Variants in ADCY9 observed in about 807,000 individuals in gnomAD.
ADCY9 encodes adenylate cyclase 9.
Under a neutral mutation model 101.5 loss-of-function variants are expected in ADCY9, and 50 were observed. The ratio of observed to expected loss-of-function variants is 0.49; its 90% confidence interval spans 0.39 to 0.62. ADCY9 has a LOEUF of 0.62. Among genes scored for constraint, ADCY9 ranks in the 20% least tolerant of loss-of-function variants. ADCY9 has a pLI of 0.00. For missense variants in ADCY9, 1,662 were observed against 1,800.4 expected (o/e 0.92, Z 1.39); for synonymous variants, 905 against 769.3 (o/e 1.18, Z -2.92).
chr16:4,094,144 G>C (rs1337952640), intron 2 of ADCY9, among the ~76,000 whole-genome samples: 1 of 151,774 alleles, frequency 6.6e-6, no homozygotes, highest in Non-Finnish European at 1.5e-5. Context: ...ACTATGAAAT[G>C]TGTGTTAGAG....
intron 2 of ADCY9, among the ~76,000 whole-genome samples, chr16:4,069,012 T>C (rs2056817270): frequency 6.6e-6 from 1 of 152,136 alleles, no homozygotes; most frequent in African/African-American, 2.4e-5. Context: ...ACATACATTT[T>C]TGTACTTGTG....
rs139504822 is a variant in ADCY9, at chr16:3,965,811, G to T, written c.4026C>A (p.Asn1342Lys). Residue 1342 changes from asparagine (N) to lysine (K), a missense_variant, in exon 11 of 11, where the codon AAC becomes AAA. This residue lies in a region of ADCY9 where 168 missense variants were observed against 155.3 expected (regional missense o/e 1.08). Coordinates refer to ENST00000294016, the MANE Select transcript of ADCY9 (RefSeq NM_001116.4). ...TTGAAACGTTGAGCTTGGTGAGTTC[G>T]TTGGCTTCTTCTATTCCTGTTTCGT... ...DCDETGIEEA[N>K]ELTKLNVSKS... 2.5e-6 allele frequency: 4 copies of T among 1,613,746 alleles called. No individual in the cohort carries two copies. Among genetic ancestry groups the T allele is most frequent in the South Asian group, 2.2e-5 (2 of 91,058 alleles).
chr16:4,050,452 G>A (rs953418376), intron 2 of ADCY9, among the ~76,000 whole-genome samples: 1 of 152,050 alleles, frequency 6.6e-6, no homozygotes, highest in African/African-American at 2.4e-5. Context: ...GGTGGCTCAT[G>A]CCTGTAATCC....
At chr16:4,081,360 CCT>C (rs2056900594) in intron 2 of ADCY9, among the ~76,000 whole-genome samples, 1 of 152,236 alleles carries the variant, frequency 6.6e-6, no homozygotes, top group Non-Finnish European at 1.5e-5. Context: ...TCCATGGCTC[CCT>C]GACTCCAGAG....
chr16:4,073,325 G>A (rs949417728), intron 2 of ADCY9, among the ~76,000 whole-genome samples: 1 of 151,766 alleles, frequency 6.6e-6, no homozygotes. Context: ...GGCCTCAAGT[G>A]ATCAACTCTC....
At chr16:4,021,367 C>G (rs2056475538) in intron 2 of ADCY9, among the ~76,000 whole-genome samples, 1 of 152,208 alleles carries the variant, frequency 6.6e-6, no homozygotes, top group Admixed American at 6.5e-5. Context: ...GAAGCCTTAG[C>G]CTCAGGCAAA....
In ADCY9 at chr16:4,097,501, C is replaced by CACACTA. The variant is rs1555445955; in HGVS notation, c.1693+16248_1693+16249insTAGTGT. On this transcript the variant is annotated intron_variant, in intron 2 of 10. Transcript: ENST00000294016. The stretch of plus-strand genomic sequence containing the variant: ...ATATATATATATACACACACACACA[C>CACACTA]TATATATATGTATAAATACATATGT... Among the ~76,000 whole-genome samples the CACACTA allele has an allele frequency of 2.5e-4, 26 of 105,506 alleles. No homozygotes were observed. The East Asian group carries it at 4.7e-3, about 19-fold the overall frequency. 69.2% of individuals were successfully genotyped at this position (105,506 alleles called of 152,430 possible).
intron 9 of ADCY9, 113 bp from the exon 10 acceptor site, chr16:3,974,823 T>C (rs2056080703): frequency 1.2e-6 from 1 of 834,308 alleles, no homozygotes; most frequent in Non-Finnish European, 2.0e-6. Flanking sequence ...TGGTTGTACA[T>C]CCACATAAAG....
chr16:4,037,791 GTAC>G (rs2056599382), intron 2 of ADCY9, among the ~76,000 whole-genome samples: 1 of 152,106 alleles, frequency 6.6e-6, no homozygotes, highest in African/African-American at 2.4e-5. Context: ...GCGGAGACCT[GTAC>G]TACAGAGTCC....
At position 3,965,773 on chromosome 16, in the gene ADCY9, C is replaced by T; in HGVS notation, c.*2G>A. 2 of 1,607,682 alleles carry T rather than the reference C, an allele frequency of 1.2e-6. No homozygotes were observed. The highest frequency in any genetic ancestry group is 1.1e-5 in the South Asian group (1 of 90,544). On this transcript the variant is annotated 3_prime_UTR_variant, in exon 11 of 11. Transcript: ENST00000294016. ...CACCTCGGGCAGCGGGTGGGCGCCG[C>T]CTCACACACTCTTTGAAACGTTGAG...
chr16:4,028,974 G>A (rs1203023415), intron 2 of ADCY9, among the ~76,000 whole-genome samples: 3 of 151,880 alleles, frequency 2.0e-5, no homozygotes, highest in East Asian at 1.9e-4. Flanking sequence ...TAGTAGAGAC[G>A]GGGTTTCACC....
intron 2 of ADCY9, among the ~76,000 whole-genome samples, chr16:4,076,510 T>C (rs535903857): frequency 1.3e-5 from 2 of 152,210 alleles, no homozygotes; most frequent in African/African-American, 2.4e-5. Context: ...TTCTTGCAGA[T>C]GAAATATTCC....
Position 3,966,793 on chromosome 16 carries a change from T to C in ADCY9, c.3044A>G (p.Asp1015Gly), listed in dbSNP as rs961414699. ...GCTCTGGATCTTGGTGCGGTGAAGA[T>C]CCGCTTCCACGTCTCCGTGGTAGTG... ...RLHYHGDVEA[D>G]LHRTKIQSMR... The change falls in exon 11 of 11, where the codon GAT (aspartate) becomes GGT (glycine). Residue 1015 changes from aspartate (D) to glycine (G), a missense_variant. Asp to Gly is a moderately conservative substitution (Grantham distance 94, BLOSUM62 -1). Around this residue, in one of 5 missense-constraint regions of ADCY9, gnomAD observed 624 missense variants for 639.1 expected, o/e 0.98. Transcript: ENST00000294016. 3.7e-6 allele frequency: 6 copies of C among 1,614,204 alleles called. No homozygotes were observed. The East Asian group carries it at 1.1e-4, about 30-fold the overall frequency.
At chr16:3,988,843 T>C (rs1384102809) in intron 6 of ADCY9, 151 bp downstream of exon 6, 2 of 671,606 alleles carry the variant, frequency 3.0e-6, no homozygotes, top group Non-Finnish European at 5.4e-6. Context: ...ACATTTCATG[T>C]ACAGTTGCCA....
intron 2 of ADCY9, among the ~76,000 whole-genome samples, chr16:4,099,790 G>C (rs922939509): frequency 1.3e-5 from 2 of 152,206 alleles, no homozygotes; most frequent in African/African-American, 4.8e-5. Context: ...CTTGGCTCAC[G>C]CCTGTAATCC....
intron 3 of ADCY9, among the ~76,000 whole-genome samples, chr16:3,996,173 C>A (rs563529406): frequency 2.0e-5 from 3 of 152,072 alleles, no homozygotes; most frequent in Non-Finnish European, 4.4e-5. Context: ...CCAGCCTGGG[C>A]AACATAGGGA....
chr16:4,094,497 T>C (rs1277675481), intron 2 of ADCY9, among the ~76,000 whole-genome samples: 1 of 152,102 alleles, frequency 6.6e-6, no homozygotes, highest in Admixed American at 6.6e-5. Context: ...AGGATTAAAA[T>C]CACCACATTC....
intron 8 of ADCY9, among the ~76,000 whole-genome samples, chr16:3,978,657 C>T (rs1370329067): frequency 1.3e-5 from 2 of 152,234 alleles, no homozygotes; most frequent in Non-Finnish European, 2.9e-5. Context: ...AAGTCGGCTT[C>T]TAAAAAAGCT....
At chr16:4,053,584 A>G (rs1027373343) in intron 2 of ADCY9, among the ~76,000 whole-genome samples, 1 of 152,196 alleles carries the variant, frequency 6.6e-6, no homozygotes, top group African/African-American at 2.4e-5. Flanking sequence ...CAAGAAGGGC[A>G]GGAGTGGACA....
Sources: gnomAD v4.1 joint callset for allele counts (sites outside exome capture counted in the v4.1 genomes callset) on GRCh38, gnomAD v4.1.1 for gene constraint, gnomAD v4.1.1 regional missense constraint, MANE v1.5 for transcripts, NCBI Gene and HGNC (gene_info 2026-07-23, HGNC 2026-07-21) for gene names.